Variants in SPAG6 observed in about 807,000 individuals in gnomAD.
SPAG6 encodes sperm associated antigen 6.
Under a neutral mutation model 58.5 loss-of-function variants are expected in SPAG6, and 49 were observed. The ratio of observed to expected loss-of-function variants is 0.84; its 90% confidence interval spans 0.67 to 1.06. The LOEUF (loss-of-function observed/expected upper bound fraction) is 1.06. Ranked by LOEUF, SPAG6 falls within the 50% of genes least tolerant of loss-of-function variation. The pLI, the probability that SPAG6 is intolerant of heterozygous loss-of-function variation, is 0.00. For missense variants in SPAG6, 560 were observed against 611.3 expected, an observed-to-expected ratio of 0.92 and a Z score of 0.89; for synonymous variants, 233 against 225.6, an observed-to-expected ratio of 1.03 and a Z score of -0.29.
intron 10 of SPAG6, among the ~76,000 whole-genome samples, chr10:22,415,474 CTGT>C (rs755230642): frequency 5.9e-5 from 9 of 152,088 alleles, no homozygotes; most frequent in South Asian, 4.1e-4. Flanking sequence ...AAGAAACCCA[CTGT>C]TGAAAGACAA....
intron 4 of SPAG6, among the ~76,000 whole-genome samples, chr10:22,370,730 A>G (rs1833664678): frequency 6.6e-6 from 1 of 152,232 alleles, no homozygotes; most frequent in Admixed American, 6.5e-5. Flanking sequence ...TCTTAAATCT[A>G]GATTTTGATT....
rs186069525 is a variant in SPAG6, at chr10:22,386,142, A to G, written c.473-612A>G. 1.4e-4 allele frequency among the ~76,000 whole-genome samples: 21 copies of G among 152,324 alleles called. No individual in the cohort carries two copies. In the East Asian group the frequency reaches 4.0e-3, roughly 29 times the overall value. On this transcript the variant is annotated intron_variant, in intron 4 of 10. Coordinates refer to ENST00000376624, the MANE Select transcript of SPAG6 (RefSeq NM_012443.4). ...AAATTTATTCTTGTATCTAAACATT[A>G]GCATTTATATACAAAAGTTTATTGA...
chr10:22,391,292 A>G lies in SPAG6; in HGVS notation c.1006-437A>G, dbSNP rs908339994. 9.2e-5 allele frequency among the ~76,000 whole-genome samples: 14 copies of G among 152,308 alleles called. 1 individual carries two copies. Among genetic ancestry groups the G allele is most frequent in the Non-Finnish European group, 2.9e-5 (2 of 68,006 alleles). On this transcript the variant is annotated intron_variant, in intron 7 of 10. Coordinates refer to ENST00000376624, the MANE Select transcript of SPAG6 (RefSeq NM_012443.4). ...CTTAGGATTCTTACTGATTTATTTTATTCTCAGGCTTATTATATCAGGTTT... is the reference window on the plus strand; with the variant it reads ...CTTAGGATTCTTACTGATTTATTTTGTTCTCAGGCTTATTATATCAGGTTT...
chr10:22,360,991 C>G (rs778922510), intron 2 of SPAG6: 2 of 645,378 alleles, frequency 3.1e-6, no homozygotes, highest in South Asian at 3.8e-5. Flanking sequence ...ATAACAAAGT[C>G]TCCATGTTTA....
intron 4 of SPAG6, among the ~76,000 whole-genome samples, chr10:22,382,157 A>T (rs377372414): frequency 6.6e-6 from 1 of 152,256 alleles, no homozygotes; most frequent in South Asian, 2.1e-4. Flanking sequence ...TTATGGAAAA[A>T]CTGAGAGAGG....
At chr10:22,351,986 C>G (rs1215526917) in intron 2 of SPAG6, among the ~76,000 whole-genome samples, 1 of 152,144 alleles carries the variant, frequency 6.6e-6, no homozygotes, top group South Asian at 2.1e-4. Context: ...CGGTGAAACC[C>G]CGTCTCTACT....
chr10:22,373,745 T>C (rs1201364446), intron 4 of SPAG6, among the ~76,000 whole-genome samples: 1 of 152,132 alleles, frequency 6.6e-6, no homozygotes, highest in African/African-American at 2.4e-5. Flanking sequence ...TTTTTTTCTA[T>C]TGTAGGGGGT....
intron 4 of SPAG6, among the ~76,000 whole-genome samples, chr10:22,381,713 T>C (rs976234889): frequency 2.0e-5 from 3 of 152,184 alleles, no homozygotes; most frequent in Non-Finnish European, 4.4e-5. Flanking sequence ...ACTTATACTA[T>C]GCTAAGGGGC....
intron 2 of SPAG6, chr10:22,361,025 G>A (rs1837021604): frequency 1.8e-6 from 1 of 543,300 alleles, no homozygotes; most frequent in African/African-American, 1.9e-5. Context: ...GTAAAAACAT[G>A]TCTCTTTAGA....
chr10:22,346,450 T>TCTC (rs1378364950), intron 2 of SPAG6, among the ~76,000 whole-genome samples: 14 of 138,004 alleles, frequency 1.0e-4, no homozygotes, highest in Non-Finnish European at 1.6e-4. Context: ...TTCTTCTTCT[T>TCTC]CTTCTTCTTC....
At chr10:22,356,365 C>A (rs1836867001) in intron 2 of SPAG6, among the ~76,000 whole-genome samples, 2 of 152,170 alleles carry the variant, frequency 1.3e-5, no homozygotes, top group Non-Finnish European at 2.9e-5. Flanking sequence ...CAGTACGCAT[C>A]CTGCACAGCT....
intron 2 of SPAG6, among the ~76,000 whole-genome samples, chr10:22,349,438 C>T (rs1365120047): frequency 6.6e-6 from 1 of 152,122 alleles, no homozygotes; most frequent in Non-Finnish European, 1.5e-5. Flanking sequence ...TACATTGTTA[C>T]TTCTACCAAT....
intron 9 of SPAG6, among the ~76,000 whole-genome samples, chr10:22,409,784 CT>C (rs938916489): frequency 1.3e-5 from 2 of 151,444 alleles, no homozygotes; most frequent in African/African-American, 4.8e-5. Context: ...TCTGGTCAGT[CT>C]TTTTTTTTGT....
intron 7 of SPAG6, among the ~76,000 whole-genome samples, chr10:22,391,200 T>A (rs1178480236): frequency 1.3e-5 from 2 of 152,182 alleles, no homozygotes; most frequent in African/African-American, 4.8e-5. Flanking sequence ...TTGACCATAA[T>A]TGATGGAAAG....
chr10:22,359,180 A>G (rs1415403187), intron 2 of SPAG6, among the ~76,000 whole-genome samples: 1 of 152,162 alleles, frequency 6.6e-6, no homozygotes, highest in Non-Finnish European at 1.5e-5. Flanking sequence ...AGATGGTAAT[A>G]TTGACAGTGA....
intron 2 of SPAG6, among the ~76,000 whole-genome samples, chr10:22,364,056 G>A (rs1837122975): frequency 6.6e-6 from 1 of 152,024 alleles, no homozygotes; most frequent in African/African-American, 2.4e-5. Context: ...AAATACTATT[G>A]GTGTCTCTCT....
intron 2 of SPAG6, among the ~76,000 whole-genome samples, chr10:22,361,687 C>G (rs1275129090): frequency 6.6e-6 from 1 of 151,722 alleles, no homozygotes; most frequent in Admixed American, 6.6e-5. Context: ...GAGACTCCGT[C>G]TCAAAAGAAA....
At chr10:22,353,703 T>G (rs1446889876) in intron 2 of SPAG6, among the ~76,000 whole-genome samples, 1 of 152,222 alleles carries the variant, frequency 6.6e-6, no homozygotes, top group East Asian at 1.9e-4. Context: ...ATCGGAGGCA[T>G]AGTCCCTGTG....
rs559823941 is a variant in SPAG6 at position 22,369,176 on chromosome 10, A to G, written c.472+498A>G. ...GTGATGTTGAGGAGATATGGACATAACTTCCTGGAAAATATTGGTATTCAA... is the reference window on the plus strand; with the variant it reads ...GTGATGTTGAGGAGATATGGACATAGCTTCCTGGAAAATATTGGTATTCAA... On this transcript the variant is annotated intron_variant, in intron 4 of 10. Coordinates refer to ENST00000376624, the MANE Select transcript of SPAG6 (RefSeq NM_012443.4). Among the ~76,000 whole-genome samples the G allele has an allele frequency of 4.3e-3, 656 of 152,246 alleles. 2 individuals are homozygous for G. The highest frequency in any genetic ancestry group is 7.0e-3 in the Non-Finnish European group (476 of 68,026).
Sources: gnomAD v4.1 joint callset for allele counts (sites outside exome capture counted in the v4.1 genomes callset) on GRCh38, gnomAD v4.1.1 for gene constraint, MANE v1.5 for transcripts, NCBI Gene and HGNC (gene_info 2026-07-23, HGNC 2026-07-21) for gene names.